The following ACTG2 variants were observed in gnomAD, a reference collection of about 807,000 sequenced individuals.
The protein encoded by ACTG2 is actin, gamma-enteric smooth muscle.
A neutral mutation model predicts 37.6 loss-of-function variants in ACTG2; 16 were observed. The observed-to-expected ratio is 0.43, with a 90% CI of 0.29 to 0.65. ACTG2 has a LOEUF of 0.65. Ranked by LOEUF, ACTG2 falls within the 30% of genes least tolerant of loss-of-function variation. The pLI is 0.18. For missense variants in ACTG2, 238 were observed against 490.9 expected (o/e 0.48, Z 4.87); for synonymous variants, 181 against 179.9 (o/e 1.01, Z -0.05).
intron 1 of ACTG2, chr2:73,897,214 C>T (rs562705720): frequency 6.6e-6 from 1 of 152,300 alleles, no homozygotes; most frequent in South Asian, 2.1e-4. Context: ...GCTTTGGAAA[C>T]AAAATTCCAG....
chr2:73,915,644 G>T (rs1680251130), intron 7 of ACTG2, among the ~76,000 whole-genome samples: 1 of 152,178 alleles, frequency 6.6e-6, no homozygotes, highest in Non-Finnish European at 1.5e-5. Flanking sequence ...ATGTCAACCT[G>T]CAGGCAATGG....
intron 6 of ACTG2, among the ~76,000 whole-genome samples, chr2:73,914,245 A>G (rs1449170424): frequency 1.3e-5 from 2 of 152,164 alleles, no homozygotes; most frequent in African/African-American, 4.8e-5. Flanking sequence ...CAAGTCTATC[A>G]TCATCCTATG....
chr2:73,902,265 C>T, intron 2 of ACTG2, 95 bp from the exon 3 acceptor site: 1 of 1,451,754 alleles, frequency 6.9e-7, no homozygotes, highest in South Asian at 1.3e-5. Context: ...CTGTTTTTCC[C>T]ATCCTTATCC....
At chr2:73,909,781 A>C (rs73950307) in intron 5 of ACTG2, among the ~76,000 whole-genome samples, 3,359 of 152,308 alleles carry the variant, frequency 0.022, 120 homozygotes, top group African/African-American at 0.077. Context: ...GGGCACTTAC[A>C]TGAATGGAGC....
intron 8 of ACTG2, among the ~76,000 whole-genome samples, chr2:73,917,732 C>T (rs1407909544): frequency 1.3e-5 from 2 of 152,210 alleles, no homozygotes; most frequent in African/African-American, 2.4e-5. Context: ...CCCTGCCTAA[C>T]AGATGGTGTT....
intron 5 of ACTG2, among the ~76,000 whole-genome samples, chr2:73,910,820 T>TC (rs911530822): frequency 1.3e-5 from 2 of 152,072 alleles, no homozygotes; most frequent in Non-Finnish European, 2.9e-5. Flanking sequence ...CACCTCAGCC[T>TC]CCCAAAGTAC....
intron 1 of ACTG2, among the ~76,000 whole-genome samples, chr2:73,899,811 T>A (rs1721239): frequency 0.82 from 124,598 of 152,070 alleles, 51,400 homozygotes; most frequent in African/African-American, 0.9. Flanking sequence ...AGGACTCATC[T>A]CTGGGGCTAT....
In ACTG2 at chr2:73,914,964, A is replaced by G. The variant is rs1680227445; in HGVS notation, c.805+93A>G. The G allele has an allele frequency of 6.1e-6, 7 of 1,149,004 alleles. No individual in the cohort carries two copies. The East Asian group carries it at 2.0e-4, about 33-fold the overall frequency. 71.2% of individuals were successfully genotyped at this position (1,149,004 alleles called of 1,614,324 possible). On this transcript the variant is annotated intron_variant, in intron 7 of 8. Transcript: ENST00000345517. ...GAGAGAAACACCAGGAGTCATGGCC[A>G]CTTTGTTAATTACATACACGTACCT...
At chr2:73,914,977 C>T in intron 7 of ACTG2, 106 bp downstream of exon 7, 1 of 957,878 alleles carries the variant, frequency 1.0e-6, no homozygotes, top group African/African-American at 1.7e-5. Flanking sequence ...TTGTTAATTA[C>T]ATACACGTAC....
intron 3 of ACTG2, among the ~76,000 whole-genome samples, chr2:73,908,109 C>T (rs751208143): frequency 1.3e-5 from 2 of 152,166 alleles, no homozygotes; most frequent in Non-Finnish European, 2.9e-5. Flanking sequence ...CAAGAGCCAG[C>T]AACAGAGGGA....
At chr2:73,902,031 G>GTC (rs1553394927) in intron 2 of ACTG2, among the ~76,000 whole-genome samples, 4 of 100,246 alleles carry the variant, frequency 4.0e-5, no homozygotes, top group Non-Finnish European at 8.8e-5. Flanking sequence ...GTGTGTGTGT[G>GTC]TGTGTGTGTC....
chr2:73,905,011 A>G (rs34374600), intron 3 of ACTG2, among the ~76,000 whole-genome samples: 19 of 151,804 alleles, frequency 1.3e-4, no homozygotes, highest in African/African-American at 4.6e-4. Context: ...GTAATAAAAT[A>G]CAATATAAAT....
intron 5 of ACTG2, among the ~76,000 whole-genome samples, chr2:73,910,553 C>T (rs1039180988): frequency 7.0e-6 from 1 of 143,662 alleles, no homozygotes; most frequent in Admixed American, 7.2e-5. Flanking sequence ...GGCTGGAGTG[C>T]AGTAGTGCGA....
Position 73,919,516 on chromosome 2 carries a change from A to T in ACTG2, c.1072A>T (p.Ile358Phe). Residue 358 changes from isoleucine to phenylalanine, a missense_variant, in exon 9 of 9, where the codon ATC becomes TTC. Ile to Phe is a conservative substitution (Grantham distance 21, BLOSUM62 0). Coordinates refer to ENST00000345517, the MANE Select transcript of ACTG2 (RefSeq NM_001615.4). ...TCTCTCCACCTTCCAGCAGATGTGG[A>T]TCAGCAAGCCTGAGTATGATGAGGC... ...ASLSTFQQMW[I>F]SKPEYDEAGP... is the part of the protein sequence containing the mutation. The T allele has an allele frequency of 6.2e-7, 1 of 1,614,158 alleles. No homozygotes were observed. The highest frequency in any genetic ancestry group is 8.5e-7 in the Non-Finnish European group (1 of 1,180,020).
Position 73,901,288 on chromosome 2 carries a change from C to A in ACTG2, c.-24C>A. 1 of 1,553,144 alleles carries A rather than the reference C, an allele frequency of 6.4e-7. No individual in the cohort carries two copies. The highest frequency in any genetic ancestry group is 1.9e-5 in the Admixed American group (1 of 53,984). ...CGCAAATCCCAAGGTGCTCCAGTCCCCAGCTCACTCAGCCACACACACCAT... is the reference window on the plus strand; with the variant it reads ...CGCAAATCCCAAGGTGCTCCAGTCCACAGCTCACTCAGCCACACACACCAT... On this transcript the variant is annotated 5_prime_UTR_variant, in exon 2 of 9. Transcript: ENST00000345517.
chr2:73,914,707 A>G lies in ACTG2; in HGVS notation c.641A>G (p.Lys214Arg). 1 of 1,601,318 alleles carries G rather than the reference A, an allele frequency of 6.2e-7. No homozygotes were observed. The highest frequency in any genetic ancestry group is 8.5e-7 in the Non-Finnish European group (1 of 1,173,402). The change falls in exon 7 of 9, where the codon AAG becomes AGG. Residue 214 changes from lysine (K) to arginine (R), a missense_variant. By Grantham distance (26) the Lys-to-Arg change is conservative. Coordinates refer to ENST00000345517, the MANE Select transcript of ACTG2 (RefSeq NM_001615.4). ...GAGAGAGAAATTGTGCGAGACATCAAGGAGAAGCTGTGCTATGTGGCCCTG... is the reference window on the plus strand; with the variant it reads ...GAGAGAGAAATTGTGCGAGACATCAGGGAGAAGCTGTGCTATGTGGCCCTG... ...TAEREIVRDIKEKLCYVALDF... is the reference protein window; with the variant it reads ...TAEREIVRDIREKLCYVALDF...
intron 8 of ACTG2, among the ~76,000 whole-genome samples, chr2:73,918,284 A>G (rs995149095): frequency 6.6e-6 from 1 of 152,150 alleles, no homozygotes; most frequent in Non-Finnish European, 1.5e-5. Context: ...GGTAGGGCTT[A>G]TATTTAGGAC....
At chr2:73,908,588 C>G (rs1680062569) in intron 3 of ACTG2, 85 bp from the exon 4 acceptor site, 2 of 1,150,474 alleles carry the variant, frequency 1.7e-6, no homozygotes, top group Admixed American at 4.7e-5. Flanking sequence ...AACATGGTGC[C>G]ACACTCTCCC....
intron 6 of ACTG2, among the ~76,000 whole-genome samples, chr2:73,914,079 C>T (rs1157811260): frequency 1.3e-5 from 2 of 152,070 alleles, no homozygotes; most frequent in African/African-American, 4.8e-5. Context: ...GAGTCTAGAC[C>T]AGAAATATGT....
Sources: allele counts gnomAD v4.1 joint callset (sites outside exome capture counted in the v4.1 genomes callset), GRCh38; gene constraint gnomAD v4.1.1; transcripts MANE v1.5; gene names NCBI Gene and HGNC (gene_info 2026-07-23, HGNC 2026-07-21).